The following DOCK1 variants were observed in gnomAD, a reference collection of about 807,000 sequenced individuals.
DOCK1 encodes the protein dedicator of cytokinesis 1.
A neutral mutation model predicts 262.7 loss-of-function variants in DOCK1; 138 were observed. The observed-to-expected ratio is 0.53, with a 90% CI of 0.46 to 0.61. The LOEUF is 0.61. Ranked by LOEUF, DOCK1 falls within the 20% of genes least tolerant of loss-of-function variation. The pLI, the probability that DOCK1 is intolerant of heterozygous loss-of-function variation, is 0.00. For synonymous variants in DOCK1, 866 were observed against 867.4 expected (o/e 1.00, Z 0.03); for missense variants, 1,908 against 2,370.7 (o/e 0.80, Z 4.05).
At chr10:127,186,506 CG>C (rs1203559400) in intron 27 of DOCK1, among the ~76,000 whole-genome samples, 5,841 of 18,884 alleles carry the variant, frequency 0.31, 1,818 homozygotes, top group Non-Finnish European at 0.53. Flanking sequence ...TGGGAGAAAC[CG>C]CCCCCCCGCC....
intron 22 of DOCK1, among the ~76,000 whole-genome samples, chr10:127,058,839 T>C (rs2045347024): frequency 6.6e-6 from 1 of 152,142 alleles, no homozygotes; most frequent in South Asian, 2.1e-4. Context: ...ATTATTATTG[T>C]ATTTCAATTC....
intron 18 of DOCK1, among the ~76,000 whole-genome samples, chr10:127,037,432 T>G (rs1164881105): frequency 6.6e-6 from 1 of 152,270 alleles, no homozygotes; most frequent in African/African-American, 2.4e-5. Context: ...ACTGCCTTCC[T>G]GTAGAATGGA....
chr10:127,228,526 C>T (rs1473525101), intron 27 of DOCK1, among the ~76,000 whole-genome samples: 1 of 152,164 alleles, frequency 6.6e-6, no homozygotes, highest in East Asian at 1.9e-4. Flanking sequence ...GGGTACCAGG[C>T]ACAGTCTGTG....
In DOCK1 at chr10:127,253,869, T is replaced by A. The variant is rs772951043; in HGVS notation, c.2950-3466T>A. Among the ~76,000 whole-genome samples, 80 of 44,328 alleles carry A rather than the reference T, an allele frequency of 1.8e-3. 1 individual carries two copies. Among genetic ancestry groups the A allele is most frequent in the South Asian group, 4.4e-3 (2 of 450 alleles). 29.1% of individuals were successfully genotyped at this position (44,328 alleles called of 152,430 possible). The stretch of plus-strand genomic sequence containing the variant: ...CAGCCTGGGTGATAGCATGAGACCC[T>A]GTCTCAAAAAAAAAAAAAAAAAAAG... On this transcript the variant is annotated intron_variant, in intron 28 of 51. Coordinates refer to ENST00000623213, the MANE Select transcript of DOCK1 (RefSeq NM_001290223.2).
At chr10:127,201,305 G>A (rs553894165) in intron 27 of DOCK1, among the ~76,000 whole-genome samples, 47 of 152,226 alleles carry the variant, frequency 3.1e-4, no homozygotes, top group Admixed American at 9.2e-4. Context: ...CCCCTTGCCC[G>A]TGGCTCTTGC....
rs1286517442 is a variant in DOCK1, at chr10:127,257,476, C to T, written c.3044+47C>T. ...CTCACCTTTTCTATGGCTCCCAATT[C>T]ATGTCTGCTGGGAACAGTGGTGTTG... On this transcript the variant is annotated intron_variant, in intron 29 of 51. Coordinates refer to ENST00000623213, the MANE Select transcript of DOCK1 (RefSeq NM_001290223.2). 4 of 1,520,044 alleles carry T rather than the reference C, an allele frequency of 2.6e-6. No homozygotes were observed. In the South Asian group the frequency reaches 4.8e-5, roughly 18 times the overall value. The allele number at this position is 1,520,044 out of a possible 1,614,324, so 94.2% of individuals were successfully genotyped here. A position where few individuals can be genotyped will look rare whatever the true frequency, so the allele number is the denominator to read the frequency against.
chr10:126,940,155 ATT>A (rs1261585908), intron 1 of DOCK1, among the ~76,000 whole-genome samples: 1 of 152,192 alleles, frequency 6.6e-6, no homozygotes, highest in Non-Finnish European at 1.5e-5. Context: ...TGGATAAGAA[ATT>A]TGCCCTGTGA....
chr10:127,066,238 C>T (rs1403472195), intron 23 of DOCK1, among the ~76,000 whole-genome samples: 1 of 151,770 alleles, frequency 6.6e-6, no homozygotes, highest in Non-Finnish European at 1.5e-5. Flanking sequence ...TGCGGTGTCT[C>T]CAGTCAGCCT....
intron 29 of DOCK1, among the ~76,000 whole-genome samples, chr10:127,323,473 G>C (rs1292561728): frequency 1.3e-5 from 2 of 152,180 alleles, no homozygotes; most frequent in Non-Finnish European, 2.9e-5. Flanking sequence ...TTTCTCTGAT[G>C]TATCTTCTAA....
chr10:127,214,373 A>G (rs1198230235), intron 27 of DOCK1, among the ~76,000 whole-genome samples: 3 of 152,174 alleles, frequency 2.0e-5, no homozygotes, highest in Non-Finnish European at 4.4e-5. Context: ...ATATTAATGT[A>G]TCCTTAAACA....
chr10:126,948,528 A>G (rs1026164500), intron 1 of DOCK1, among the ~76,000 whole-genome samples: 2 of 151,880 alleles, frequency 1.3e-5, no homozygotes, highest in Non-Finnish European at 2.9e-5. Flanking sequence ...TTTTGAGGGC[A>G]TCTGGATGAA....
At chr10:126,906,029 G>C (rs1333711033) in intron 1 of DOCK1, among the ~76,000 whole-genome samples, 1 of 152,118 alleles carries the variant, frequency 6.6e-6, no homozygotes, top group Non-Finnish European at 1.5e-5. Context: ...GGCTCAGGTC[G>C]GCGCGGTCCC....
At chr10:127,129,522 G>T (rs1436461336) in intron 27 of DOCK1, among the ~76,000 whole-genome samples, 2 of 152,172 alleles carry the variant, frequency 1.3e-5, no homozygotes. Context: ...AATATGGAAT[G>T]GGCACTGAGC....
At chr10:127,190,538 A>C (rs866989998) in intron 27 of DOCK1, among the ~76,000 whole-genome samples, 2 of 151,322 alleles carry the variant, frequency 1.3e-5, no homozygotes, top group African/African-American at 4.9e-5. Flanking sequence ...CGCTTCATCC[A>C]ATTTCCTCCT....
At chr10:127,026,082 A>C (rs2042835907) in intron 15 of DOCK1, 1 of 353,480 alleles carries the variant, frequency 2.8e-6, no homozygotes, top group African/African-American at 2.3e-5. Context: ...AGAAAGAAAA[A>C]AGAATCTTAA....
chr10:127,306,686 G>A (rs1220495991), intron 29 of DOCK1, among the ~76,000 whole-genome samples: 3 of 152,154 alleles, frequency 2.0e-5, no homozygotes, highest in Non-Finnish European at 4.4e-5. Flanking sequence ...AGGGAAATAC[G>A]TTCTGTTTAT....
intron 29 of DOCK1, among the ~76,000 whole-genome samples, chr10:127,314,912 G>C (rs1036761544): frequency 1.3e-5 from 2 of 152,220 alleles, no homozygotes; most frequent in African/African-American, 4.8e-5. Flanking sequence ...CCAAGATCAA[G>C]GTTTCTGCCA....
Position 127,029,835 on chromosome 10 carries a change from C to T in DOCK1, c.1625-1815C>T, listed in dbSNP as rs146930783. On this transcript the variant is annotated intron_variant, in intron 16 of 51. Coordinates refer to ENST00000623213, the MANE Select transcript of DOCK1 (RefSeq NM_001290223.2). ...CATTATTGTCACACATCCTTCTGAACCCTGGCTGTTTTCCTGGAGGCATGT... is the reference window on the plus strand; with the variant it reads ...CATTATTGTCACACATCCTTCTGAATCCTGGCTGTTTTCCTGGAGGCATGT... Among the ~76,000 whole-genome samples the T allele has an allele frequency of 2.8e-3, 434 of 152,286 alleles. 2 individuals carry two copies. The highest frequency in any genetic ancestry group is 4.2e-3 in the Non-Finnish European group (289 of 68,030).
chr10:127,085,326 G>A (rs1436004361), intron 23 of DOCK1, among the ~76,000 whole-genome samples: 2 of 152,144 alleles, frequency 1.3e-5, no homozygotes, highest in African/African-American at 2.4e-5. Flanking sequence ...AGTGGGCAGG[G>A]GGTACAGGTG....
Sources: allele counts gnomAD v4.1 joint callset (sites outside exome capture counted in the v4.1 genomes callset), GRCh38; gene constraint gnomAD v4.1.1; transcripts MANE v1.5; gene names NCBI Gene and HGNC (gene_info 2026-07-23, HGNC 2026-07-21).